FAM227A: variants seen among roughly 807,000 people sequenced by gnomAD.
The protein encoded by FAM227A is protein FAM227A.
In FAM227A, 80 loss-of-function variants were observed where a neutral mutation model predicts 74.7. That is an observed-to-expected ratio of 1.07 (90% CI 0.89 to 1.29). The LOEUF is 1.29. Ranked by LOEUF, FAM227A falls within the 50% of genes most tolerant of loss-of-function variation. The pLI is 0.00. For synonymous variants in FAM227A, 237 were observed against 241.8 expected (o/e 0.98, Z 0.19); for missense variants, 654 against 683.4 (o/e 0.96, Z 0.48).
chr22:38,621,348 T>A (rs2091685391), intron 10 of FAM227A, among the ~76,000 whole-genome samples: 8 of 52,964 alleles, frequency 1.5e-4, no homozygotes, highest in South Asian at 6.0e-4. Flanking sequence ...AGACTCTGTC[T>A]CAAAAAAAAA....
intron 3 of FAM227A, among the ~76,000 whole-genome samples, chr22:38,641,524 CTGGGCGACAAGAGTGAA>C (rs966109560): frequency 5.4e-5 from 8 of 147,244 alleles, no homozygotes; most frequent in African/African-American, 7.5e-5. Context: ...GCACTCCAGC[CTGGGCGACAAGAGTGAA>C]ACTCCATCTC....
At chr22:38,625,516 C>T (rs2091779347) in intron 9 of FAM227A, among the ~76,000 whole-genome samples, 2 of 152,048 alleles carry the variant, frequency 1.3e-5, no homozygotes, top group Admixed American at 6.6e-5. Flanking sequence ...GATCTAAACC[C>T]GCATACTGCT....
chr22:38,613,450 T>C (rs1212147004), intron 11 of FAM227A, among the ~76,000 whole-genome samples: 2 of 30,742 alleles, frequency 6.5e-5, no homozygotes, highest in Non-Finnish European at 1.1e-4. Context: ...CCTGCAAGGA[T>C]CTAGGTCCAA....
At chr22:38,631,638 T>C (rs894922766) in intron 6 of FAM227A, among the ~76,000 whole-genome samples, 1 of 151,940 alleles carries the variant, frequency 6.6e-6, no homozygotes, top group African/African-American at 2.4e-5. Flanking sequence ...ACTTGACACA[T>C]GTGGGGTACT....
chr22:38,583,095 A>T lies in FAM227A; in HGVS notation c.*3030T>A. On this transcript the variant is annotated 3_prime_UTR_variant, in exon 17 of 17. Transcript: ENST00000535113. ...TGGGGTAGTAAAGGGAAGGTGAGAG[A>T]GTGTTCTGCTTATCTGCCCCACATG... is the stretch of plus-strand genomic sequence containing the variant. 1 of 856,876 alleles carries T rather than the reference A, an allele frequency of 1.2e-6. No individual in the cohort carries two copies. Among genetic ancestry groups the T allele is most frequent in the Non-Finnish European group, 1.8e-6 (1 of 557,694 alleles). 53.1% of individuals were successfully genotyped at this position (856,876 alleles called of 1,614,324 possible).
rs543560588 is a variant in FAM227A at position 38,652,296 on chromosome 22, C to T, written c.-94-2034G>A. ...AATATATTTGAGCATATAAAAACAA[C>T]GCTGACTTTAGGCCAGGCGCAGTGG... On this transcript the variant is annotated intron_variant, in intron 1 of 16. Coordinates refer to ENST00000535113, the MANE Select transcript of FAM227A (RefSeq NM_001013647.2). Among the ~76,000 whole-genome samples the T allele has an allele frequency of 5.3e-5, 8 of 151,516 alleles. No homozygotes were observed. In the East Asian group the frequency reaches 7.9e-4, roughly 15 times the overall value.
intron 15 of FAM227A, among the ~76,000 whole-genome samples, chr22:38,592,913 C>T (rs181618037): frequency 2.3e-4 from 35 of 152,318 alleles, no homozygotes; most frequent in African/African-American, 7.7e-4. Flanking sequence ...TACAACAAAA[C>T]GACTGAGGAT....
At chr22:38,598,498 T>C (rs988745821) in intron 14 of FAM227A, among the ~76,000 whole-genome samples, 1 of 152,210 alleles carries the variant, frequency 6.6e-6, no homozygotes, top group African/African-American at 2.4e-5. Flanking sequence ...GAAAACATGT[T>C]GCAAGAAATA....
intron 1 of FAM227A, among the ~76,000 whole-genome samples, chr22:38,655,861 T>C (rs2092385275): frequency 6.6e-6 from 1 of 152,122 alleles, no homozygotes. Flanking sequence ...GATGCCCTGA[T>C]ACACCCACTA....
chr22:38,641,561 A>AC (rs1281501472), intron 3 of FAM227A, among the ~76,000 whole-genome samples: 13 of 151,624 alleles, frequency 8.6e-5, no homozygotes, highest in African/African-American at 3.1e-4. Flanking sequence ...CAAAAAAAAA[A>AC]AAAAAAACAA....
chr22:38,639,487 C>T, intron 4 of FAM227A, 168 bp downstream of exon 4: 2 of 709,712 alleles, frequency 2.8e-6, no homozygotes, highest in Non-Finnish European at 5.0e-6. Context: ...AATGGTACTG[C>T]CCCTCCCTCC....
Position 38,644,810 on chromosome 22 carries a change from G to A in FAM227A, c.225+753C>T, listed in dbSNP as rs117109091. Among the ~76,000 whole-genome samples, 10 of 152,276 alleles carry A rather than the reference G, an allele frequency of 6.6e-5. No individual in the cohort carries two copies. In the East Asian group the frequency reaches 7.7e-4, roughly 12 times the overall value. On this transcript the variant is annotated intron_variant, in intron 3 of 16. Coordinates refer to ENST00000535113, the MANE Select transcript of FAM227A (RefSeq NM_001013647.2). The stretch of plus-strand genomic sequence containing the variant: ...TGCTCTAAAAAATAAAGTTTAGGCC[G>A]GGCGTGGTGGCTCACGCCTGTAATC...
At chr22:38,604,870 C>G (rs1348499901) in intron 13 of FAM227A, among the ~76,000 whole-genome samples, 1 of 152,156 alleles carries the variant, frequency 6.6e-6, no homozygotes, top group Non-Finnish European at 1.5e-5. Context: ...CCAGACTGGT[C>G]TCAAACTCCT....
intron 5 of FAM227A, among the ~76,000 whole-genome samples, chr22:38,637,634 T>G (rs1018786970): frequency 6.6e-6 from 1 of 152,266 alleles, no homozygotes; most frequent in Non-Finnish European, 1.5e-5. Flanking sequence ...CTGAGTTAGA[T>G]GACTGCAGTC....
chr22:38,627,879 C>T (rs1356900217), intron 8 of FAM227A, among the ~76,000 whole-genome samples: 1 of 152,184 alleles, frequency 6.6e-6, no homozygotes, highest in Non-Finnish European at 1.5e-5. Context: ...GCTGGGATTA[C>T]AGGTGTGAGC....
At chr22:38,648,831 G>T (rs1195742228) in intron 2 of FAM227A, among the ~76,000 whole-genome samples, 1 of 151,768 alleles carries the variant, frequency 6.6e-6, no homozygotes, top group East Asian at 1.9e-4. Context: ...AAATTAGCCA[G>T]ACGTGGTGGT....
chr22:38,592,340 A>G (rs576531269), intron 15 of FAM227A, among the ~76,000 whole-genome samples: 39 of 152,294 alleles, frequency 2.6e-4, no homozygotes, highest in Admixed American at 2.1e-3. Flanking sequence ...TCTTTACTAC[A>G]ATTCACCTAA....
At chr22:38,600,108 T>G (rs566399309) in intron 13 of FAM227A, among the ~76,000 whole-genome samples, 187 bp from the exon 14 acceptor site, 1 of 152,176 alleles carries the variant, frequency 6.6e-6, no homozygotes, top group South Asian at 2.1e-4. Flanking sequence ...ACTGCAGAGA[T>G]GTTTACTATA....
Position 38,628,521 on chromosome 22 carries a change from TAC to T in FAM227A, c.622-181_622-180del, listed in dbSNP as rs2091854813. ...TTGGGGATAAGATGTACAAAGCACG[TAC>T]ACAGAGGCAGAGCGCTGTTGAAGAC... On this transcript the variant is annotated intron_variant, in intron 7 of 16. Coordinates refer to ENST00000535113, the MANE Select transcript of FAM227A (RefSeq NM_001013647.2). Among the ~76,000 whole-genome samples the T allele has an allele frequency of 2.0e-5, 3 of 152,306 alleles. No homozygotes were observed. In the South Asian group the frequency reaches 6.2e-4, roughly 32 times the overall value.
Sources: allele counts gnomAD v4.1 joint callset (sites outside exome capture counted in the v4.1 genomes callset), GRCh38; gene constraint gnomAD v4.1.1; transcripts MANE v1.5; gene names NCBI Gene and HGNC (gene_info 2026-07-23, HGNC 2026-07-21).